NSMCE2: variants seen among roughly 807,000 people sequenced by gnomAD.
NSMCE2 encodes the protein E3 SUMO-protein ligase NSE2.
A neutral mutation model predicts 23.8 loss-of-function variants in NSMCE2; 24 were observed. That is an observed-to-expected ratio of 1.01 (90% CI 0.73 to 1.42). The LOEUF (loss-of-function observed/expected upper bound fraction) is 1.42. NSMCE2 is among the 40% of genes most tolerant of loss of function. The probability of loss-of-function intolerance (pLI) is 0.00; values close to 1 mark genes in which losing one functional copy is unlikely to be tolerated. For missense variants in NSMCE2, 284 were observed against 296.5 expected (o/e 0.96, Z 0.31); for synonymous variants, 92 against 94.1 (o/e 0.98, Z 0.13).
chr8:125,148,271 C>G (rs1330197389), intron 3 of NSMCE2, among the ~76,000 whole-genome samples: 1 of 152,160 alleles, frequency 6.6e-6, no homozygotes, highest in South Asian at 2.1e-4. Flanking sequence ...CAAGCCTTGC[C>G]CATTTCCTCC....
intron 5 of NSMCE2, among the ~76,000 whole-genome samples, chr8:125,278,934 A>G (rs1827582679): frequency 6.6e-6 from 1 of 152,088 alleles, no homozygotes; most frequent in African/African-American, 2.4e-5. Flanking sequence ...ATTAAGGCAC[A>G]TTCAGCTGGA....
intron 5 of NSMCE2, among the ~76,000 whole-genome samples, chr8:125,203,831 A>G (rs991138703): frequency 6.6e-6 from 1 of 152,222 alleles, no homozygotes; most frequent in African/African-American, 2.4e-5. Flanking sequence ...GGGTTTTCCA[A>G]AGTAAACATA....
At chr8:125,246,538 G>A (rs1825971279) in intron 5 of NSMCE2, among the ~76,000 whole-genome samples, 1 of 151,908 alleles carries the variant, frequency 6.6e-6, no homozygotes, top group Non-Finnish European at 1.5e-5. Context: ...AACTATAAAT[G>A]ACATTGACAA....
chr8:125,107,125 A>G (rs966461003), intron 3 of NSMCE2, among the ~76,000 whole-genome samples: 1 of 151,976 alleles, frequency 6.6e-6, no homozygotes, highest in Non-Finnish European at 1.5e-5. Flanking sequence ...CAGATACCCA[A>G]ACCTGAATAA....
chr8:125,104,848 C>T (rs1482301752), intron 3 of NSMCE2, among the ~76,000 whole-genome samples: 1 of 152,078 alleles, frequency 6.6e-6, no homozygotes, highest in African/African-American at 2.4e-5. Context: ...GCCAACCTGA[C>T]GAAACCCTGT....
chr8:125,107,650 G>C (rs771930969), intron 3 of NSMCE2, among the ~76,000 whole-genome samples: 3 of 152,044 alleles, frequency 2.0e-5, no homozygotes, highest in Non-Finnish European at 4.4e-5. Context: ...TGCACCATTA[G>C]TACAAACATT....
At chr8:125,325,454 A>G (rs1219428115) in intron 5 of NSMCE2, among the ~76,000 whole-genome samples, 1 of 152,168 alleles carries the variant, frequency 6.6e-6, no homozygotes, top group Non-Finnish European at 1.5e-5. Context: ...GGCTCAAGTC[A>G]TCCTCTCACT....
chr8:125,242,307 A>G (rs1825793775), intron 5 of NSMCE2, among the ~76,000 whole-genome samples: 1 of 152,144 alleles, frequency 6.6e-6, no homozygotes, highest in African/African-American at 2.4e-5. Context: ...ATCAAAGGGA[A>G]GAAAAGCAAT....
chr8:125,349,762 A>G (rs1231510983), intron 5 of NSMCE2, among the ~76,000 whole-genome samples: 1 of 152,166 alleles, frequency 6.6e-6, no homozygotes, highest in Admixed American at 6.6e-5. Context: ...TACCAAATGT[A>G]TTTTATGACC....
chr8:125,234,049 C>T (rs930956356), intron 5 of NSMCE2, among the ~76,000 whole-genome samples: 7 of 149,140 alleles, frequency 4.7e-5, no homozygotes, highest in African/African-American at 1.5e-4. Context: ...AAAAATTAGT[C>T]GGGTATGGTG....
intron 5 of NSMCE2, among the ~76,000 whole-genome samples, chr8:125,295,734 A>G (rs1828296703): frequency 1.3e-5 from 2 of 152,162 alleles, no homozygotes; most frequent in African/African-American, 4.8e-5. Flanking sequence ...GAATAGTTGG[A>G]GCTTGAATTT....
At chr8:125,324,518 CA>C (rs71295841) in intron 5 of NSMCE2, among the ~76,000 whole-genome samples, 6,593 of 49,010 alleles carry the variant, frequency 0.13, 228 homozygotes, top group South Asian at 0.21. Flanking sequence ...GGTGCCAGAC[CA>C]AAAAAAAAAA....
At chr8:125,366,102 G>A (rs1473483181) in intron 7 of NSMCE2, among the ~76,000 whole-genome samples, 1 of 152,074 alleles carries the variant, frequency 6.6e-6, no homozygotes, top group Non-Finnish European at 1.5e-5. Flanking sequence ...GGTGAGGCAT[G>A]CCCTGAGTCC....
At chr8:125,270,072 A>G (rs1378420365) in intron 5 of NSMCE2, among the ~76,000 whole-genome samples, 1 of 152,186 alleles carries the variant, frequency 6.6e-6, no homozygotes, top group Non-Finnish European at 1.5e-5. Context: ...GAGCTATAAG[A>G]AGAGAGAGAG....
At position 125,354,443 on chromosome 8, in the gene NSMCE2, A is replaced by G. The variant is rs139381383; in HGVS notation, c.419-2776A>G. Among the ~76,000 whole-genome samples, 1,057 of 152,340 alleles carry G rather than the reference A, an allele frequency of 6.9e-3. 6 individuals carry two copies. Among genetic ancestry groups the G allele is most frequent in the Non-Finnish European group, 0.012 (806 of 68,030 alleles). On this transcript the variant is annotated intron_variant, in intron 5 of 7. Coordinates refer to ENST00000287437, the MANE Select transcript of NSMCE2 (RefSeq NM_173685.4). ...CGATTACCGGATCAACAATTAATGAAGTTAACTTCACATTTGCATAGACCT... is the reference window on the plus strand; with the variant it reads ...CGATTACCGGATCAACAATTAATGAGGTTAACTTCACATTTGCATAGACCT...
At chr8:125,116,959 C>T (rs1819036481) in intron 3 of NSMCE2, among the ~76,000 whole-genome samples, 1 of 146,996 alleles carries the variant, frequency 6.8e-6, no homozygotes, top group Non-Finnish European at 1.5e-5. Context: ...ATGATCTTGG[C>T]TCATTGCAAC....
intron 5 of NSMCE2, among the ~76,000 whole-genome samples, chr8:125,326,614 A>G (rs941295736): frequency 1.3e-5 from 2 of 148,304 alleles, no homozygotes; most frequent in Non-Finnish European, 3.0e-5. Flanking sequence ...TGAAAACCAT[A>G]TATGTGCATA....
chr8:125,290,158 A>G (rs555894924), intron 5 of NSMCE2, among the ~76,000 whole-genome samples: 1 of 152,062 alleles, frequency 6.6e-6, no homozygotes, highest in South Asian at 2.1e-4. Context: ...TCATGACGTT[A>G]AAAAAAACTC....
chr8:125,107,428 G>A (rs937024948), intron 3 of NSMCE2, among the ~76,000 whole-genome samples: 1 of 151,894 alleles, frequency 6.6e-6, no homozygotes, highest in Non-Finnish European at 1.5e-5. Flanking sequence ...TCCTGACCTC[G>A]TGATCCACCC....
Sources: gnomAD v4.1 joint callset for allele counts (sites outside exome capture counted in the v4.1 genomes callset) on GRCh38, gnomAD v4.1.1 for gene constraint, MANE v1.5 for transcripts, NCBI Gene and HGNC (gene_info 2026-07-23, HGNC 2026-07-21) for gene names.